The following ASIC4 variants were observed in gnomAD, a reference collection of about 807,000 sequenced individuals.
ASIC4 encodes the protein acid sensing ion channel subunit family member 4.
ASIC4 carries 28 observed loss-of-function variants against 53.4 expected under a neutral mutation model. The observed-to-expected ratio is 0.52, with a 90% CI of 0.39 to 0.72. The LOEUF (loss-of-function observed/expected upper bound fraction) is 0.72, where lower values mean the gene tolerates loss of function less well. ASIC4 is among the 30% of genes least tolerant of loss of function. The probability of loss-of-function intolerance (pLI) is 0.00; values close to 1 mark genes in which losing one functional copy is unlikely to be tolerated. For missense variants in ASIC4, 649 were observed against 729.7 expected (o/e 0.89, Z 1.27); for synonymous variants, 289 against 301.4 (o/e 0.96, Z 0.43).
At chr2:219,512,872 G>A (rs373617981), upstream of ASIC4, among the ~76,000 whole-genome samples, 2 of 152,366 alleles carry the variant, frequency 1.3e-5, no homozygotes, top group East Asian at 3.9e-4. Flanking sequence ...AGGGCACCAC[G>A]CATGGTCAGG....
At chr2:219,522,117 T>C (rs1694894104) in intron 1 of ASIC4, among the ~76,000 whole-genome samples, 1 of 152,012 alleles carries the variant, frequency 6.6e-6, no homozygotes, top group African/African-American at 2.4e-5. Flanking sequence ...ACCATGCCCT[T>C]GGGACACCCG....
At chr2:219,529,937 T>G (rs1393608453) in intron 1 of ASIC4, among the ~76,000 whole-genome samples, 1 of 151,992 alleles carries the variant, frequency 6.6e-6, no homozygotes, top group East Asian at 1.9e-4. Flanking sequence ...GCATGGGGAC[T>G]TCACCCTGCC....
chr2:219,524,885 ACTGTC>A (rs1313865069), intron 1 of ASIC4, among the ~76,000 whole-genome samples: 1 of 152,202 alleles, frequency 6.6e-6, no homozygotes, highest in African/African-American at 2.4e-5. Flanking sequence ...AAATGGCTGC[ACTGTC>A]CTGGCAGGAA....
intron 1 of ASIC4, among the ~76,000 whole-genome samples, chr2:219,521,046 TCC>T (rs1221615031): frequency 5.9e-5 from 9 of 152,102 alleles, no homozygotes; most frequent in Non-Finnish European, 1.3e-4. Context: ...GCACCCACCC[TCC>T]CCACCTTCCA....
rs1330491922 is a variant in ASIC4, at chr2:219,535,418, A to G, written c.1229+94A>G. The G allele has an allele frequency of 5.2e-6, 7 of 1,346,628 alleles. No homozygotes were observed. The African/African-American group carries it at 9.6e-5, about 19-fold the overall frequency. 83.4% of individuals were successfully genotyped at this position (1,346,628 alleles called of 1,614,324 possible). A position where few individuals can be genotyped will look rare whatever the true frequency, so the allele number is the denominator to read the frequency against. On this transcript the variant is annotated intron_variant, in intron 6 of 9. Transcript: ENST00000358078. ...GTGACTCTGTGTGTACGTGTGTGTG[A>G]GTGTATGTGTGTATGTGTTTGTGTG...
chr2:219,518,937 G>A lies in ASIC4; in HGVS notation c.582+3631G>A, dbSNP rs970003476. ...GTTTGTTTTTTTGAGACAGAGTCTC[G>A]TTGTTGCCCAGGCTGGAGTGCAGCG... On this transcript the variant is annotated intron_variant, in intron 1 of 9. Coordinates refer to ENST00000358078, the MANE Select transcript of ASIC4 (RefSeq NM_018674.6). This position sits in a 1 kb window ranked among gnomAD's most constrained non-coding sequence, Gnocchi z 4.8. 1.3e-5 allele frequency among the ~76,000 whole-genome samples: 2 copies of A among 152,228 alleles called. No individual in the cohort carries two copies. The highest frequency in any genetic ancestry group is 1.9e-4 in the East Asian group (1 of 5,176).
intron 4 of ASIC4, 130 bp from the exon 5 acceptor site, chr2:219,532,753 G>T (rs1418481573): frequency 4.2e-6 from 4 of 955,628 alleles, no homozygotes; most frequent in Admixed American, 2.3e-5. Context: ...GGGGTTGTGT[G>T]TGTGGTGTTC....
intron 1 of ASIC4, among the ~76,000 whole-genome samples, chr2:219,530,561 C>T (rs1476166505): frequency 6.6e-6 from 1 of 152,240 alleles, no homozygotes; most frequent in East Asian, 1.9e-4. Flanking sequence ...CATCTCAGGT[C>T]TTGATAAGTA....
At chr2:219,532,743 G>T in intron 4 of ASIC4, 140 bp from the exon 5 acceptor site, 1 of 907,638 alleles carries the variant, frequency 1.1e-6, no homozygotes, top group African/African-American at 1.7e-5. Flanking sequence ...CGTATTTGTG[G>T]GGGTTGTGTG....
chr2:219,532,308 T>C lies in ASIC4; in HGVS notation c.856-7T>C. The C allele has an allele frequency of 6.2e-7, 1 of 1,607,984 alleles. No individual in the cohort carries two copies. The highest frequency in any genetic ancestry group is 8.5e-7 in the Non-Finnish European group (1 of 1,175,008). On this transcript the variant is annotated splice_region_variant and splice_polypyrimidine_tract_variant and intron_variant, in intron 3 of 9. Coordinates refer to ENST00000358078, the MANE Select transcript of ASIC4 (RefSeq NM_018674.6). ...GAGCATGACCTCATCATGCCCCACCTCTGCAGCTGACCTACCTGCCCCAGC... is the reference window on the plus strand; with the variant it reads ...GAGCATGACCTCATCATGCCCCACCCCTGCAGCTGACCTACCTGCCCCAGC...
At chr2:219,513,252 G>A (rs1453517270), upstream of ASIC4, among the ~76,000 whole-genome samples, 1 of 151,972 alleles carries the variant, frequency 6.6e-6, no homozygotes. Flanking sequence ...TCCTCCCGGG[G>A]ACAAGGGCTT....
At chr2:219,532,189 A>T (rs373384533) in intron 3 of ASIC4, 61 bp downstream of exon 3, 2 of 1,607,480 alleles carry the variant, frequency 1.2e-6, no homozygotes, top group Non-Finnish European at 8.5e-7. Context: ...CTCAGAGGGG[A>T]TGTGGAGCAA....
chr2:219,530,427 G>A (rs1403089439), intron 1 of ASIC4, among the ~76,000 whole-genome samples: 2 of 152,272 alleles, frequency 1.3e-5, no homozygotes, highest in African/African-American at 4.8e-5. Context: ...GCTCATTCAA[G>A]TGTCCCTTGT....
Position 219,523,543 on chromosome 2 carries a change from C to G in ASIC4, c.583-8215C>G, listed in dbSNP as rs146946353. Among the ~76,000 whole-genome samples, 313 of 152,298 alleles carry G rather than the reference C, an allele frequency of 2.1e-3. 2 individuals carry two copies. The highest frequency in any genetic ancestry group is 7.0e-3 in the African/African-American group (292 of 41,570). On this transcript the variant is annotated intron_variant, in intron 1 of 9. Transcript: ENST00000358078. ...TGGAGGTGGGGGGTCCCTGTATGCA[C>G]GTGTAGAACTAAGCCTGCTGAGGGC... is the stretch of plus-strand genomic sequence containing the variant.
chr2:219,533,276 C>T (rs1695073724), intron 5 of ASIC4: 1 of 439,902 alleles, frequency 2.3e-6, no homozygotes, highest in Non-Finnish European at 4.2e-6. Flanking sequence ...AAATGCATTG[C>T]TGGCTATCGG....
intron 1 of ASIC4, among the ~76,000 whole-genome samples, chr2:219,519,116 G>A (rs533865266): frequency 4.6e-5 from 7 of 152,196 alleles, no homozygotes; most frequent in Non-Finnish European, 8.8e-5. Context: ...GTGTTAGCCA[G>A]GATGGTCTCG....
Position 219,532,298 on chromosome 2 carries a change from A to C in ASIC4, c.856-17A>C. 1 of 1,604,506 alleles carries C rather than the reference A, an allele frequency of 6.2e-7. No individual in the cohort carries two copies. The highest frequency in any genetic ancestry group is 8.5e-7 in the Non-Finnish European group (1 of 1,172,180). On this transcript the variant is annotated splice_polypyrimidine_tract_variant and intron_variant, in intron 3 of 9. Coordinates refer to ENST00000358078, the MANE Select transcript of ASIC4 (RefSeq NM_018674.6). ...TGGGATTCCTGAGCATGACCTCATC[A>C]TGCCCCACCTCTGCAGCTGACCTAC... is the stretch of plus-strand genomic sequence containing the variant.
upstream of ASIC4, chr2:219,514,441 G>A (rs1406727512): frequency 2.6e-6 from 4 of 1,549,972 alleles, no homozygotes; most frequent in Non-Finnish European, 3.5e-6. Context: ...GGGGCTGACA[G>A]CTGTGCTGGT....
Position 219,536,558 on chromosome 2 carries a change from G to C in ASIC4, c.1230-508G>C, listed in dbSNP as rs527989271. On this transcript the variant is annotated intron_variant, in intron 6 of 9. Transcript: ENST00000358078. The surrounding 1 kb of genome is among the most constrained non-coding windows in gnomAD (Gnocchi z 4.6). ...TGAGGGCCCTGGGTTTGGGGTCTGA[G>C]AGAGGAGGCAATGGGGAGGCGTCCA... is the stretch of plus-strand genomic sequence containing the variant. Among the ~76,000 whole-genome samples, 1 of 152,214 alleles carries C rather than the reference G, an allele frequency of 6.6e-6. No individual in the cohort carries two copies. Among genetic ancestry groups the C allele is most frequent in the South Asian group, 2.1e-4 (1 of 4,824 alleles).
Sources: allele counts gnomAD v4.1 joint callset (sites outside exome capture counted in the v4.1 genomes callset), GRCh38; gene constraint gnomAD v4.1.1; non-coding constraint Gnocchi (gnomAD v3.1); transcripts MANE v1.5; gene names NCBI Gene and HGNC (gene_info 2026-07-23, HGNC 2026-07-21).